The following MTUS1 variants were observed in gnomAD, a reference collection of about 807,000 sequenced individuals.
The protein encoded by MTUS1 is microtubule-associated tumor suppressor 1.
A neutral mutation model predicts 120.8 loss-of-function variants in MTUS1; 109 were observed. The ratio of observed to expected loss-of-function variants is 0.90; its 90% CI spans 0.77 to 1.06. The LOEUF is 1.06. MTUS1 is among the 50% of genes least tolerant of loss of function. The probability of loss-of-function intolerance (pLI) is 0.00; values close to 1 mark genes in which losing one functional copy is unlikely to be tolerated. For synonymous variants in MTUS1, 737 were observed against 550.5 expected (o/e 1.34, Z -4.74); for missense variants, 2,210 against 1,486.3 (o/e 1.49, Z -8.01).
chr8:17,657,335 G>T (rs7388360), intron 8 of MTUS1, among the ~76,000 whole-genome samples: 1 of 146,860 alleles, frequency 6.8e-6, no homozygotes, highest in African/African-American at 2.5e-5. Flanking sequence ...TTGGGAGGCC[G>T]AGGCGGGCGG....
At chr8:17,779,856 C>T (rs1040470662) in intron 1 of MTUS1, among the ~76,000 whole-genome samples, 2 of 152,222 alleles carry the variant, frequency 1.3e-5, no homozygotes, top group African/African-American at 4.8e-5. Flanking sequence ...ACTCCGATAA[C>T]AATTCCCACA....
intron 1 of MTUS1, among the ~76,000 whole-genome samples, chr8:17,758,774 C>G (rs2048818273): frequency 6.6e-6 from 1 of 152,204 alleles, no homozygotes; most frequent in African/African-American, 2.4e-5. Context: ...TAATTGTTAG[C>G]TTCAATTAAT....
intron 4 of MTUS1, among the ~76,000 whole-genome samples, chr8:17,718,319 T>C (rs2131063958): frequency 6.6e-6 from 1 of 152,262 alleles, no homozygotes; most frequent in Middle Eastern, 3.4e-3. Context: ...ACAATTCCAA[T>C]ATAAGAGATG....
At chr8:17,780,719 T>A (rs2050813008) in intron 1 of MTUS1, among the ~76,000 whole-genome samples, 1 of 152,156 alleles carries the variant, frequency 6.6e-6, no homozygotes. Flanking sequence ...AGCCTCTGCC[T>A]CCTTACAATA....
chr8:17,771,854 G>A (rs2050048592), intron 1 of MTUS1, among the ~76,000 whole-genome samples: 1 of 152,214 alleles, frequency 6.6e-6, no homozygotes, highest in Non-Finnish European at 1.5e-5. Context: ...TTCTGTATGT[G>A]AGAAAACTGA....
chr8:17,754,500 T>A lies in MTUS1; in HGVS notation c.1308A>T (p.Thr436=). 6.2e-7 allele frequency: 1 copy of A among 1,614,234 alleles called. No homozygotes were observed. Among genetic ancestry groups the A allele is most frequent in the Non-Finnish European group, 8.5e-7 (1 of 1,180,038 alleles). Residue 436 remains threonine (T), a synonymous_variant, in exon 2 of 15, where the codon ACA becomes ACT. Transcript: ENST00000693296. ...MCMSTPVLEP[T]KVTFSVSPIE... ...TCGGTGAAACAGAAAAGGTTACTTT[T>A]GTGGGTTCTAGGACTGGTGTTGACA...
chr8:17,765,070 T>A (rs1360783799), intron 1 of MTUS1, among the ~76,000 whole-genome samples: 1 of 152,150 alleles, frequency 6.6e-6, no homozygotes, highest in Non-Finnish European at 1.5e-5. Context: ...TGACAGATCA[T>A]TAGGCATTAG....
intron 3 of MTUS1, among the ~76,000 whole-genome samples, chr8:17,734,657 C>G (rs2046809385): frequency 6.6e-6 from 1 of 152,178 alleles, no homozygotes. Flanking sequence ...CATTTAAATT[C>G]AGAGGGGAAT....
At chr8:17,654,234 C>A (rs751209691) in intron 10 of MTUS1, 8 of 342,338 alleles carry the variant, frequency 2.3e-5, no homozygotes, top group Non-Finnish European at 4.3e-5. Context: ...TGGGGTGGAT[C>A]CTTTACTGTG....
chr8:17,798,949 C>A (rs921409013), intron 1 of MTUS1, among the ~76,000 whole-genome samples: 2 of 151,944 alleles, frequency 1.3e-5, no homozygotes, highest in African/African-American at 4.8e-5. Context: ...GTGTTCAAAT[C>A]ATCTGTAATC....
intron 13 of MTUS1, among the ~76,000 whole-genome samples, chr8:17,649,582 C>G (rs942905644): frequency 1.3e-5 from 2 of 152,274 alleles, no homozygotes; most frequent in Admixed American, 1.3e-4. Flanking sequence ...CAAAATACCA[C>G]TGAAATATAA....
At chr8:17,791,057 C>T (rs1472159677) in intron 1 of MTUS1, among the ~76,000 whole-genome samples, 1 of 152,168 alleles carries the variant, frequency 6.6e-6, no homozygotes, top group East Asian at 1.9e-4. Flanking sequence ...CTTATTACTT[C>T]CACTCGCATT....
chr8:17,764,241 G>A (rs1339869506), intron 1 of MTUS1, among the ~76,000 whole-genome samples: 1 of 152,092 alleles, frequency 6.6e-6, no homozygotes, highest in African/African-American at 2.4e-5. Context: ...AAAACTCTAT[G>A]ATCTACAAAT....
At chr8:17,747,037 G>A (rs1325567915) in intron 2 of MTUS1, among the ~76,000 whole-genome samples, 1 of 152,154 alleles carries the variant, frequency 6.6e-6, no homozygotes, top group Non-Finnish European at 1.5e-5. Flanking sequence ...GGTCTCTCCA[G>A]CTTTCAATTC....
At chr8:17,743,519 T>G in intron 3 of MTUS1, 85 bp downstream of exon 3, 1 of 1,300,860 alleles carries the variant, frequency 7.7e-7, no homozygotes, top group Non-Finnish European at 1.1e-6. Context: ...ACTGCTTTAG[T>G]GACAGAAGGC....
At chr8:17,699,833 C>G (rs1818689244) in intron 6 of MTUS1, among the ~76,000 whole-genome samples, 1 of 152,190 alleles carries the variant, frequency 6.6e-6, no homozygotes, top group Admixed American at 6.5e-5. Flanking sequence ...TCCAAGCACT[C>G]TCTTACACAC....
intron 4 of MTUS1, among the ~76,000 whole-genome samples, chr8:17,716,121 C>G (rs1346712836): frequency 6.6e-6 from 1 of 152,162 alleles, no homozygotes; most frequent in Non-Finnish European, 1.5e-5. Flanking sequence ...CCTGGTTAGC[C>G]TGGCACAGTC....
chr8:17,752,166 T>C (rs946191765), intron 2 of MTUS1, among the ~76,000 whole-genome samples: 1 of 151,862 alleles, frequency 6.6e-6, no homozygotes, highest in Non-Finnish European at 1.5e-5. Context: ...TCAGGAAAAC[T>C]TTTAGTTTCA....
intron 4 of MTUS1, among the ~76,000 whole-genome samples, chr8:17,717,329 G>A (rs1159051603): frequency 6.6e-6 from 1 of 152,164 alleles, no homozygotes; most frequent in African/African-American, 2.4e-5. Flanking sequence ...GCTAATGGGA[G>A]TGACAGTATT....
Sources: gnomAD v4.1 joint callset for allele counts (sites outside exome capture counted in the v4.1 genomes callset) on GRCh38, gnomAD v4.1.1 for gene constraint, MANE v1.5 for transcripts, NCBI Gene and HGNC (gene_info 2026-07-23, HGNC 2026-07-21) for gene names.